Variants in CCN2 observed in about 807,000 individuals in gnomAD.
The protein encoded by CCN2 is cellular communication network factor 2, also known as CCN family member 2.
Under a neutral mutation model 33.2 loss-of-function variants are expected in CCN2, and 22 were observed. The observed-to-expected ratio is 0.66, with a 90% CI of 0.47 to 0.95. The LOEUF is 0.95. Among genes scored for constraint, CCN2 ranks in the 40% least tolerant of loss-of-function variants. The pLI, the probability that CCN2 is intolerant of heterozygous loss-of-function variation, is 0.00. For synonymous variants in CCN2, 178 were observed against 200.6 expected (o/e 0.89, Z 0.95); for missense variants, 469 against 498.8 (o/e 0.94, Z 0.57).
rs192270253 is a variant in CCN2, at chr6:131,949,712, T to C, written c.754-152A>G. ...GGAAGTTTGAGTCTCATTTGCTATG[T>C]CCAAAAATAGCCAGAGCCTCTCTTG... On this transcript the variant is annotated intron_variant, in intron 4 of 4. Transcript: ENST00000367976. The C allele has an allele frequency of 2.6e-4, 235 of 900,220 alleles. 3 individuals carry two copies. In the East Asian group the frequency reaches 5.7e-3, roughly 22 times the overall value. The allele number at this position is 900,220 out of a possible 1,614,324, so 55.8% of individuals were successfully genotyped here. A position where few individuals can be genotyped will look rare whatever the true frequency, so the allele number is the denominator to read the frequency against.
rs372597924 is a variant in CCN2 at position 131,950,770 on chromosome 6, C to A, written c.289G>T (p.Ala97Ser). 3.9e-6 allele frequency: 6 copies of A among 1,540,942 alleles called. No individual in the cohort carries two copies. Among genetic ancestry groups the A allele is most frequent in the East Asian group, 2.4e-5 (1 of 41,730 alleles). Residue 97 changes from alanine (A) to serine (S), a missense_variant and splice_region_variant, in exon 2 of 5, where the codon GCC becomes TCC. Coordinates refer to ENST00000367976, the MANE Select transcript of CCN2 (RefSeq NM_001901.4). The surrounding 1 kb of genome is among the most constrained non-coding windows in gnomAD (Gnocchi z 7.1). Reference sequence around the variant, plus strand: ...TAGCGGTGGGGGCTGCGGGTCTTACCGGTGCACACGCCGATCTTGCGGTTG... The same window carrying A: ...TAGCGGTGGGGGCTGCGGGTCTTACAGGTGCACACGCCGATCTTGCGGTTG... ...PANRKIGVCT[A>S]KDGAPCIFGG...
rs1446113655 is a variant in CCN2 at position 131,948,377 on chromosome 6, A to T, written c.*887T>A. 6.6e-6 allele frequency: 1 copy of T among 152,610 alleles called. No homozygotes were observed. The allele number at this position is 152,610 out of a possible 1,614,324, so 9.5% of individuals were successfully genotyped here. A position where few individuals can be genotyped will look rare whatever the true frequency, so the allele number is the denominator to read the frequency against. Reference sequence around the variant, plus strand: ...TTTGTTCATTAAAAGTGAGGCTACCACATTTCCTACCTAGAAATCAGCCTG... The same window carrying T: ...TTTGTTCATTAAAAGTGAGGCTACCTCATTTCCTACCTAGAAATCAGCCTG... On this transcript the variant is annotated 3_prime_UTR_variant, in exon 5 of 5. Coordinates refer to ENST00000367976, the MANE Select transcript of CCN2 (RefSeq NM_001901.4).
At chr6:131,949,583 G>T in intron 4 of CCN2, 23 bp from the exon 5 acceptor site, 4 of 814,764 alleles carry the variant, frequency 4.9e-6, no homozygotes, top group Non-Finnish European at 7.4e-6. Flanking sequence ...AGGGAAAAGA[G>T]AGAGGAAAAA....
chr6:131,949,618 G>T, intron 4 of CCN2, 58 bp from the exon 5 acceptor site: 1 of 1,467,636 alleles, frequency 6.8e-7, no homozygotes, highest in Non-Finnish European at 9.4e-7. Context: ...TCTACAAGAG[G>T]AGTGGCTTTC....
At position 131,950,744 on chromosome 6, in the gene CCN2, C is replaced by A; in HGVS notation, c.289+26G>T. Reference sequence around the variant, plus strand: ...CGTGAGGGAGGAGGCGGCCGGACACCTAGCGGTGGGGGCTGCGGGTCTTAC... The same window carrying A: ...CGTGAGGGAGGAGGCGGCCGGACACATAGCGGTGGGGGCTGCGGGTCTTAC... On this transcript the variant is annotated intron_variant, in intron 2 of 4. Transcript: ENST00000367976. This position sits in a 1 kb window ranked among gnomAD's most constrained non-coding sequence, Gnocchi z 7.1. 6.6e-7 allele frequency: 1 copy of A among 1,522,740 alleles called. No individual in the cohort carries two copies. The highest frequency in any genetic ancestry group is 1.2e-5 in the South Asian group (1 of 81,898). The allele number at this position is 1,522,740 out of a possible 1,614,324, so 94.3% of individuals were successfully genotyped here.
intron 4 of CCN2, 110 bp downstream of exon 4, chr6:131,949,835 TTAGA>T: frequency 1.9e-6 from 2 of 1,037,324 alleles, no homozygotes; most frequent in Non-Finnish European, 2.8e-6. Flanking sequence ...AGCTCAATGG[TTAGA>T]TAGTTTTGGA....
At chr6:131,949,605 G>T in intron 4 of CCN2, 45 bp from the exon 5 acceptor site, 3 of 1,496,080 alleles carry the variant, frequency 2.0e-6, no homozygotes, top group South Asian at 1.2e-5. Flanking sequence ...AAAAATCAGC[G>T]ACTCTACAAG....
At position 131,949,386 on chromosome 6, in the gene CCN2, C is replaced by G; in HGVS notation, c.928G>C (p.Gly310Arg). The change falls in exon 5 of 5, where the codon GGC becomes CGC. Residue 310 changes from glycine (G) to arginine (R), a missense_variant. Transcript: ENST00000367976. ...ATCATGTTCTTCTTCATGACCTCGC[C>G]GTCAGGGCACTTGAACTCCACCGGC... ...TLPVEFKCPD[G>R]EVMKKNMMFI... 3 of 1,614,128 alleles carry G rather than the reference C, an allele frequency of 1.9e-6. No individual in the cohort carries two copies. The highest frequency in any genetic ancestry group is 2.5e-6 in the Non-Finnish European group (3 of 1,180,024).
chr6:131,950,958 C>T lies in CCN2; in HGVS notation c.101G>A (p.Arg34Gln), dbSNP rs563027002. Reference sequence around the variant, plus strand: ...GCGCGGCGCCGGCTCGTCCGGGCACCGGCACGGCCCGCTGCAGTTCTGGCC... The same window carrying T: ...GCGCGGCGCCGGCTCGTCCGGGCACTGGCACGGCCCGCTGCAGTTCTGGCC... ...AVGQNCSGPC[R>Q]CPDEPAPRCP... Residue 34 changes from arginine (R) to glutamine (Q), a missense_variant, in exon 2 of 5, where the codon CGG becomes CAG. By Grantham distance (43) the Arg-to-Gln change is conservative (BLOSUM62 1). Coordinates refer to ENST00000367976, the MANE Select transcript of CCN2 (RefSeq NM_001901.4). This position sits in a 1 kb window ranked among gnomAD's most constrained non-coding sequence, Gnocchi z 7.1. The T allele has an allele frequency of 2.9e-6, 4 of 1,373,888 alleles. No individual in the cohort carries two copies. Among genetic ancestry groups the T allele is most frequent in the Admixed American group, 7.6e-5 (2 of 26,218 alleles). 85.1% of individuals were successfully genotyped at this position (1,373,888 alleles called of 1,614,324 possible). A position where few individuals can be genotyped will look rare whatever the true frequency, so the allele number is the denominator to read the frequency against.
chr6:131,949,688 G>A, intron 4 of CCN2, 128 bp from the exon 5 acceptor site: 1 of 990,636 alleles, frequency 1.0e-6, no homozygotes, highest in South Asian at 1.6e-5. Flanking sequence ...TTGAGGGGAG[G>A]AAGTTTGAGT....
rs1038619364 is a variant in CCN2, at chr6:131,950,949, T to C, written c.110A>G (p.Asp37Gly). The change falls in exon 2 of 5, where the codon GAC becomes GGC. Residue 37 changes from aspartate to glycine, a missense_variant. Coordinates refer to ENST00000367976, the MANE Select transcript of CCN2 (RefSeq NM_001901.4). The surrounding 1 kb of genome is among the most constrained non-coding windows in gnomAD (Gnocchi z 7.1). ...CGCCGGGCAGCGCGGCGCCGGCTCG[T>C]CCGGGCACCGGCACGGCCCGCTGCA... Reference protein sequence around the residue: ...QNCSGPCRCPDEPAPRCPAGV... With the variant: ...QNCSGPCRCPGEPAPRCPAGV... 2.2e-6 allele frequency: 3 copies of C among 1,393,586 alleles called. No homozygotes were observed. In the African/African-American group the frequency reaches 4.6e-5, roughly 21 times the overall value. 86.3% of individuals were successfully genotyped at this position (1,393,586 alleles called of 1,614,324 possible).
rs1356046175 is a variant in CCN2, at chr6:131,950,151, A to T, written c.551T>A (p.Leu184Gln). 1.9e-6 allele frequency: 3 copies of T among 1,614,124 alleles called. No homozygotes were observed. In the African/African-American group the frequency reaches 4.0e-5, roughly 22 times the overall value. The change falls in exon 4 of 5, where the codon CTG becomes CAG. Residue 184 changes from leucine (L) to glutamine (Q), a missense_variant. Coordinates refer to ENST00000367976, the MANE Select transcript of CCN2 (RefSeq NM_001901.4). The surrounding 1 kb of genome is among the most constrained non-coding windows in gnomAD (Gnocchi z 7.1). ...TGGGTCTGGGCCAAACGTGTCTTCC[A>T]GTCGGTAAGCTGCGAGAGCAGAGCA... ...VVGPALAAYR[L>Q]EDTFGPDPTM... is the part of the protein sequence containing the mutation.
Position 131,951,345 on chromosome 6 carries a change from T to G in CCN2, c.-173A>C, listed in dbSNP as rs1365804503. 2.2e-6 allele frequency: 1 copy of G among 457,740 alleles called. No homozygotes were observed. The highest frequency in any genetic ancestry group is 2.1e-5 in the African/African-American group (1 of 48,778). The allele number at this position is 457,740 out of a possible 1,614,324, so 28.4% of individuals were successfully genotyped here. On this transcript the variant is annotated 5_prime_UTR_variant, in exon 1 of 5. Transcript: ENST00000367976. ...GGAGGGTGGAGTCGCACTGGCTGTC[T>G]CCTCTCAGCGGGGAAGAGTTGTTGT... is the stretch of plus-strand genomic sequence containing the variant.
chr6:131,948,897 A>G lies in CCN2; in HGVS notation c.*367T>C, dbSNP rs1783057507. The G allele has an allele frequency of 3.8e-6, 1 of 261,190 alleles. No individual in the cohort carries two copies. The highest frequency in any genetic ancestry group is 7.6e-6 in the Non-Finnish European group (1 of 132,160). The allele number at this position is 261,190 out of a possible 1,614,324, so 16.2% of individuals were successfully genotyped here. A position where few individuals can be genotyped will look rare whatever the true frequency, so the allele number is the denominator to read the frequency against. ...CTACAGGCAGGTCAGTGAGCACGCT[A>G]AAATTTTCCTTCTCAATTACACTTC... On this transcript the variant is annotated 3_prime_UTR_variant, in exon 5 of 5. Coordinates refer to ENST00000367976, the MANE Select transcript of CCN2 (RefSeq NM_001901.4).
chr6:131,949,161 AGATTT>A lies in CCN2; in HGVS notation c.*98_*102del. 9.5e-7 allele frequency: 1 copy of A among 1,053,954 alleles called. No individual in the cohort carries two copies. Among genetic ancestry groups the A allele is most frequent in the Non-Finnish European group, 1.4e-6 (1 of 708,352 alleles). 65.3% of individuals were successfully genotyped at this position (1,053,954 alleles called of 1,614,324 possible). ...AATCTTTTCCCCCAGTTAGAAAAAC[AGATTT>A]AAATAACTTGTGCTACTGAAATCAT... On this transcript the variant is annotated 3_prime_UTR_variant, in exon 5 of 5. Transcript: ENST00000367976.
Position 131,950,681 on chromosome 6 carries a change from T to C in CCN2, c.289+89A>G. ...GCTGGCAGCAGCTGGAGAAAGAAAC[T>C]CAGTCCGAGCGGTTTCTTTTTCCAG... On this transcript the variant is annotated intron_variant, in intron 2 of 4. Transcript: ENST00000367976. This position sits in a 1 kb window ranked among gnomAD's most constrained non-coding sequence, Gnocchi z 7.1. The C allele has an allele frequency of 6.9e-7, 1 of 1,456,988 alleles. No homozygotes were observed. Among genetic ancestry groups the C allele is most frequent in the Admixed American group, 2.1e-5 (1 of 47,870 alleles). 90.3% of individuals were successfully genotyped at this position (1,456,988 alleles called of 1,614,324 possible).
chr6:131,950,275 A>G lies in CCN2; in HGVS notation c.541+17T>C. ...GGAGAGAATCACGACCCTGACTTAG[A>G]GGAAGACTCGACTCACCCGCGAGGG... is the stretch of plus-strand genomic sequence containing the variant. On this transcript the variant is annotated intron_variant, in intron 3 of 4. Transcript: ENST00000367976. This position sits in a 1 kb window ranked among gnomAD's most constrained non-coding sequence, Gnocchi z 7.1. 1.2e-6 allele frequency: 2 copies of G among 1,612,008 alleles called. No individual in the cohort carries two copies. Among genetic ancestry groups the G allele is most frequent in the Non-Finnish European group, 1.7e-6 (2 of 1,178,368 alleles).
chr6:131,950,336 C>T lies in CCN2; in HGVS notation c.497G>A (p.Cys166Tyr). 1 of 1,614,180 alleles carries T rather than the reference C, an allele frequency of 6.2e-7. No individual in the cohort carries two copies. Among genetic ancestry groups the T allele is most frequent in the Non-Finnish European group, 8.5e-7 (1 of 1,180,042 alleles). ...CACGGTTTGGTCCTTGGGCTCGTCA[C>T]ACACCCACTCCTCGCAGCATTTCCC... The part of the protein sequence containing the change: ...LPGKCCEEWV[C>Y]DEPKDQTVVG... Residue 166 changes from cysteine (C) to tyrosine (Y), a missense_variant, in exon 3 of 5, where the codon TGT becomes TAT. By Grantham distance (194) the Cys-to-Tyr change is radical. Coordinates refer to ENST00000367976, the MANE Select transcript of CCN2 (RefSeq NM_001901.4). This position sits in a 1 kb window ranked among gnomAD's most constrained non-coding sequence, Gnocchi z 7.1.
At position 131,949,190 on chromosome 6, in the gene CCN2, A is replaced by AT; in HGVS notation, c.*73dup. On this transcript the variant is annotated 3_prime_UTR_variant, in exon 5 of 5. Coordinates refer to ENST00000367976, the MANE Select transcript of CCN2 (RefSeq NM_001901.4). Reference sequence around the variant, plus strand: ...TTAAATAACTTGTGCTACTGAAATCATTTTTACGGAAAAATGAGATGTGAA... The same window carrying AT: ...TTAAATAACTTGTGCTACTGAAATCATTTTTTACGGAAAAATGAGATGTGAA... 7.4e-7 allele frequency: 1 copy of AT among 1,351,196 alleles called. No homozygotes were observed. Among genetic ancestry groups the AT allele is most frequent in the South Asian group, 1.2e-5 (1 of 82,200 alleles). The allele number at this position is 1,351,196 out of a possible 1,614,324, so 83.7% of individuals were successfully genotyped here.
Sources: allele counts gnomAD v4.1 joint callset, GRCh38; gene constraint gnomAD v4.1.1; non-coding constraint Gnocchi (gnomAD v3.1); transcripts MANE v1.5; gene names NCBI Gene and HGNC (gene_info 2026-07-23, HGNC 2026-07-21).